Variants in CLIP1 observed in about 807,000 individuals in gnomAD.
The protein encoded by CLIP1 is CAP-Gly domain-containing linker protein 1.
A neutral mutation model predicts 161.6 loss-of-function variants in CLIP1; 66 were observed. The ratio of observed to expected loss-of-function variants is 0.41; its 90% CI spans 0.33 to 0.50. CLIP1 has a LOEUF of 0.50. Among genes scored for constraint, CLIP1 ranks in the 20% least tolerant of loss-of-function variants. CLIP1 has a pLI of 0.27. For synonymous variants in CLIP1, 598 were observed against 626.2 expected, an observed-to-expected ratio of 0.96 and a Z score of 0.67; for missense variants, 1,376 against 1,702.0, an observed-to-expected ratio of 0.81 and a Z score of 3.37.
rs1390309061 is a variant in CLIP1 at position 122,351,121 on chromosome 12, T to A, written c.1391A>T (p.Asp464Val). The A allele has an allele frequency of 6.6e-7, 1 of 1,521,180 alleles. No individual in the cohort carries two copies. The highest frequency in any genetic ancestry group is 2.2e-5 in the Admixed American group (1 of 46,238). 94.2% of individuals were successfully genotyped at this position (1,521,180 alleles called of 1,614,324 possible). The change falls in exon 9 of 26, where the codon GAT becomes GTT. Residue 464 changes from aspartate to valine, a missense_variant. Asp to Val is a radical substitution (Grantham distance 152). This residue lies in a region of CLIP1 where 948 missense variants were observed against 1,134.8 expected (regional missense o/e 0.84). Transcript: ENST00000620786. ...TAAGTGCCCTCTTACATTCTCAGGATCTTCAGAAATCTGGCTCTTTTGCTA... is the reference window on the plus strand; with the variant it reads ...TAAGTGCCCTCTTACATTCTCAGGAACTTCAGAAATCTGGCTCTTTTGCTA... ...DLEQKSQISE[D>V]PENTQTKLEH...
chr12:122,329,739 T>C (rs1159278294), intron 15 of CLIP1, among the ~76,000 whole-genome samples: 1 of 152,174 alleles, frequency 6.6e-6, no homozygotes, highest in Non-Finnish European at 1.5e-5. Context: ...CTAGTGCTTC[T>C]GGAGGACAGC....
intron 1 of CLIP1, among the ~76,000 whole-genome samples, chr12:122,394,683 C>G (rs151335190): frequency 1.3e-5 from 2 of 150,830 alleles, no homozygotes; most frequent in Non-Finnish European, 3.0e-5. Context: ...ATCAGGAGAT[C>G]GAGACCATCC....
At chr12:122,420,323 C>T (rs1371758038) in intron 1 of CLIP1, among the ~76,000 whole-genome samples, 3 of 147,760 alleles carry the variant, frequency 2.0e-5, no homozygotes, top group South Asian at 4.3e-4. Flanking sequence ...CCAGCCTAGG[C>T]AACAAGAGTG....
Position 122,306,998 on chromosome 12 carries a change from C to CTTT in CLIP1, c.3594+2761_3594+2763dup, listed in dbSNP as rs56949793. ...TATCTGTGTATCCTTGGTAAGTTCA[C>CTTT]TTTTTTTTTTTTTTTTTTTTTTTTT... On this transcript the variant is annotated intron_variant, in intron 20 of 25. Coordinates refer to ENST00000620786, the MANE Select transcript of CLIP1 (RefSeq NM_001247997.2). 1.3e-3 allele frequency among the ~76,000 whole-genome samples: 103 copies of CTTT among 81,018 alleles called. 11 individuals carry two copies. The highest frequency in any genetic ancestry group is 2.6e-3 in the Admixed American group (17 of 6,428). The allele number at this position is 81,018 out of a possible 152,430, so 53.2% of individuals were successfully genotyped here. A position where few individuals can be genotyped will look rare whatever the true frequency, so the allele number is the denominator to read the frequency against.
At chr12:122,374,981 G>A (rs749348995) in intron 3 of CLIP1, among the ~76,000 whole-genome samples, 2 of 152,086 alleles carry the variant, frequency 1.3e-5, no homozygotes, top group Non-Finnish European at 2.9e-5. Flanking sequence ...ACAGCTGGGC[G>A]TCAGTCAAAT....
intron 4 of CLIP1, among the ~76,000 whole-genome samples, chr12:122,362,324 A>G (rs763601405): frequency 1.3e-5 from 2 of 151,908 alleles, no homozygotes; most frequent in Non-Finnish European, 2.9e-5. Context: ...TATAAATACA[A>G]AATGGCTAAC....
intron 18 of CLIP1, among the ~76,000 whole-genome samples, chr12:122,317,804 C>G (rs953467123): frequency 6.6e-6 from 1 of 152,130 alleles, no homozygotes; most frequent in Admixed American, 6.5e-5. Flanking sequence ...ATTAACAGAA[C>G]AAGAAAAATA....
chr12:122,334,777 A>T (rs551744221), intron 12 of CLIP1, 72 bp from the exon 13 acceptor site: 10 of 912,846 alleles, frequency 1.1e-5, no homozygotes, highest in Non-Finnish European at 1.7e-5. Flanking sequence ...TCTATCAATT[A>T]TAACTACGAT....
At chr12:122,362,276 T>TA (rs74843754) in intron 4 of CLIP1, among the ~76,000 whole-genome samples, 192 of 145,110 alleles carry the variant, frequency 1.3e-3, no homozygotes, top group African/African-American at 4.1e-3. Flanking sequence ...TTTTTTTAAT[T>TA]AAAAAAAAAA....
At chr12:122,299,709 G>A (rs1009088944) in intron 20 of CLIP1, among the ~76,000 whole-genome samples, 4 of 149,150 alleles carry the variant, frequency 2.7e-5, no homozygotes, top group African/African-American at 9.9e-5. Flanking sequence ...GAGGTCAGGA[G>A]ATCGAGACCA....
chr12:122,364,520 A>G (rs1430237961), intron 3 of CLIP1, among the ~76,000 whole-genome samples: 1 of 151,538 alleles, frequency 6.6e-6, no homozygotes, highest in East Asian at 1.9e-4. Flanking sequence ...TTCCCACCTC[A>G]ACCTCCTGGG....
intron 1 of CLIP1, among the ~76,000 whole-genome samples, chr12:122,392,393 A>G (rs999153138): frequency 1.3e-5 from 2 of 152,104 alleles, no homozygotes; most frequent in Non-Finnish European, 2.9e-5. Flanking sequence ...GCAATCCCCT[A>G]TAACCTGCCT....
chr12:122,355,342 C>T lies in CLIP1; in HGVS notation c.1006-30G>A. ...AAAGGAAAGTTAGAGAAATGAAGGG[C>T]GATGATGCTGTCAGAAAAGCGAGGG... is the stretch of plus-strand genomic sequence containing the variant. On this transcript the variant is annotated intron_variant, in intron 5 of 25. Coordinates refer to ENST00000620786, the MANE Select transcript of CLIP1 (RefSeq NM_001247997.2). This position sits in a 1 kb window ranked among gnomAD's most constrained non-coding sequence, Gnocchi z 4.1. The T allele has an allele frequency of 1.9e-6, 3 of 1,594,422 alleles. No individual in the cohort carries two copies. The highest frequency in any genetic ancestry group is 2.6e-6 in the Non-Finnish European group (3 of 1,164,156).
intron 1 of CLIP1, chr12:122,396,770 TA>T (rs1003452732): frequency 6.7e-6 from 1 of 150,216 alleles, no homozygotes; most frequent in African/African-American, 2.5e-5. Flanking sequence ...TGTTGTTGTT[TA>T]TTTTTTTTTT....
chr12:122,279,153 A>G lies in CLIP1; in HGVS notation c.3648-8T>C. On this transcript the variant is annotated splice_polypyrimidine_tract_variant and splice_region_variant and intron_variant, in intron 21 of 25. Transcript: ENST00000620786. This position sits in a 1 kb window ranked among gnomAD's most constrained non-coding sequence, Gnocchi z 4.5. The stretch of plus-strand genomic sequence containing the variant: ...TTTATGAACTTGGATTCTCTAAAAG[A>G]CCAAAGAGTTAAAAGTTCCACAAAT... The G allele has an allele frequency of 6.3e-7, 1 of 1,589,964 alleles. No individual in the cohort carries two copies. Among genetic ancestry groups the G allele is most frequent in the East Asian group, 2.2e-5 (1 of 44,712 alleles).
intron 17 of CLIP1, among the ~76,000 whole-genome samples, chr12:122,326,415 C>T (rs1017193868): frequency 6.6e-6 from 1 of 152,214 alleles, no homozygotes; most frequent in African/African-American, 2.4e-5. Flanking sequence ...AACGATGAAT[C>T]ACGCCTGCAA....
chr12:122,395,160 C>T lies in CLIP1; in HGVS notation c.-106-14602G>A, dbSNP rs572747057. ...TGCAGAAAAAATGGATAGTAAATTC[C>T]GTAGCAAATAGAGCTACTGACTAAT... On this transcript the variant is annotated intron_variant, in intron 1 of 25. Transcript: ENST00000620786. 3.7e-3 allele frequency among the ~76,000 whole-genome samples: 569 copies of T among 152,232 alleles called. 9 individuals are homozygous for T. Among genetic ancestry groups the T allele is most frequent in the African/African-American group, 0.012 (495 of 41,526 alleles).
chr12:122,346,054 G>A (rs145620461), intron 10 of CLIP1, among the ~76,000 whole-genome samples: 18 of 152,236 alleles, frequency 1.2e-4, no homozygotes, highest in Non-Finnish European at 2.6e-4. Context: ...CCAAAGTGCT[G>A]GGATTACAGG....
Position 122,333,032 on chromosome 12 carries a change from G to C in CLIP1, c.2822C>G (p.Ser941Cys). 6.2e-7 allele frequency: 1 copy of C among 1,613,754 alleles called. No individual in the cohort carries two copies. Among genetic ancestry groups the C allele is most frequent in the East Asian group, 2.2e-5 (1 of 44,864 alleles). Reference protein sequence around the residue: ...AEIMKMSGDNSSQLTKMNDEL... With the variant: ...AEIMKMSGDNCSQLTKMNDEL... ...ATCGTTCATTTTTGTCAGCTGAGAA[G>C]AGTTATCTCCTGACATCTTCATTAT... The change falls in exon 15 of 26, where the codon TCT (serine) becomes TGT (cysteine). Residue 941 changes from serine (S) to cysteine (C), a missense_variant. Around this residue, in one of 6 missense-constraint regions of CLIP1, gnomAD observed 948 missense variants for 1,134.8 expected, o/e 0.84. Coordinates refer to ENST00000620786, the MANE Select transcript of CLIP1 (RefSeq NM_001247997.2).
Sources: gnomAD v4.1 joint callset for allele counts (sites outside exome capture counted in the v4.1 genomes callset) on GRCh38, gnomAD v4.1.1 for gene constraint, gnomAD v4.1.1 regional missense constraint, Gnocchi (gnomAD v3.1) non-coding constraint, MANE v1.5 for transcripts, NCBI Gene and HGNC (gene_info 2026-07-23, HGNC 2026-07-21) for gene names.